The following RIMS1 variants were observed in gnomAD, a reference collection of about 807,000 sequenced individuals.
RIMS1 encodes regulating synaptic membrane exocytosis 1.
In RIMS1, 83 loss-of-function variants were observed where a neutral mutation model predicts 214.1. The ratio of observed to expected loss-of-function variants is 0.39; its 90% confidence interval spans 0.32 to 0.47. The LOEUF (loss-of-function observed/expected upper bound fraction) is 0.47, where lower values mean the gene tolerates loss of function less well. Among genes scored for constraint, RIMS1 ranks in the 20% least tolerant of loss-of-function variants. RIMS1 has a pLI of 0.99. For synonymous variants in RIMS1, 793 were observed against 786.8 expected (o/e 1.01, Z -0.13); for missense variants, 2,050 against 2,161.8 (o/e 0.95, Z 1.03).
At chr6:72,251,466 G>A (rs2073281909) in intron 15 of RIMS1, 98 bp downstream of exon 15, 1 of 1,012,308 alleles carries the variant, frequency 9.9e-7, no homozygotes, top group Non-Finnish European at 1.4e-6. Context: ...TGTTTTATTA[G>A]AGATCAAAAT....
intron 24 of RIMS1, among the ~76,000 whole-genome samples, chr6:72,288,091 T>A (rs541681753): frequency 6.6e-6 from 1 of 152,182 alleles, no homozygotes; most frequent in African/African-American, 2.4e-5. Context: ...TTTCTCATGA[T>A]ACACAAACAA....
At chr6:72,245,945 T>C in intron 11 of RIMS1, 84 bp downstream of exon 11, 4 of 981,300 alleles carry the variant, frequency 4.1e-6, no homozygotes, top group Non-Finnish European at 6.3e-6. Flanking sequence ...TTATTTGATA[T>C]AATGAATTGG....
intron 24 of RIMS1, among the ~76,000 whole-genome samples, chr6:72,284,847 C>T (rs1051322219): frequency 5.9e-5 from 9 of 152,040 alleles, no homozygotes; most frequent in Admixed American, 5.2e-4. Flanking sequence ...GAGGCATGCA[C>T]AGGTACAGTA....
At chr6:72,367,150 T>C (rs928086860) in intron 29 of RIMS1, among the ~76,000 whole-genome samples, 1 of 152,226 alleles carries the variant, frequency 6.6e-6, no homozygotes, top group African/African-American at 2.4e-5. Flanking sequence ...ACTTTAAAGC[T>C]AGACTTACAG....
At chr6:72,018,898 A>G (rs965835301) in intron 2 of RIMS1, among the ~76,000 whole-genome samples, 1 of 152,214 alleles carries the variant, frequency 6.6e-6, no homozygotes, top group African/African-American at 2.4e-5. Flanking sequence ...AGTGCTCAAC[A>G]TTTTAATAGA....
intron 19 of RIMS1, chr6:72,263,161 C>G (rs1356606588): frequency 1.0e-6 from 1 of 984,158 alleles, no homozygotes; most frequent in East Asian, 1.1e-4. Flanking sequence ...AACTTTGCAA[C>G]TGAAAGTGTC....
intron 2 of RIMS1, among the ~76,000 whole-genome samples, chr6:72,095,441 A>G (rs924456795): frequency 6.6e-6 from 1 of 152,192 alleles, no homozygotes; most frequent in African/African-American, 2.4e-5. Flanking sequence ...TTGACCAGAT[A>G]TTCTTGCATT....
At chr6:71,988,208 G>T (rs1800591948) in intron 2 of RIMS1, among the ~76,000 whole-genome samples, 2 of 152,036 alleles carry the variant, frequency 1.3e-5, no homozygotes, top group African/African-American at 2.4e-5. Context: ...ATTCATGCTA[G>T]CCTGCTTTCA....
At chr6:71,893,707 A>G (rs944505393) in intron 1 of RIMS1, among the ~76,000 whole-genome samples, 1 of 152,214 alleles carries the variant, frequency 6.6e-6, no homozygotes, top group Non-Finnish European at 1.5e-5. Context: ...TCGAGTTTAT[A>G]TACACTTATT....
chr6:72,079,035 T>A (rs940906320), intron 2 of RIMS1, among the ~76,000 whole-genome samples: 1 of 152,138 alleles, frequency 6.6e-6, no homozygotes, highest in African/African-American at 2.4e-5. Flanking sequence ...AAAAAGATGA[T>A]TTAAAAAGCC....
chr6:72,008,292 C>A (rs1308272731), intron 2 of RIMS1, among the ~76,000 whole-genome samples: 2 of 152,136 alleles, frequency 1.3e-5, no homozygotes, highest in Non-Finnish European at 2.9e-5. Flanking sequence ...TTGTCACCAC[C>A]AGGCCTGCCT....
chr6:72,214,054 A>G (rs1053816752), intron 6 of RIMS1, among the ~76,000 whole-genome samples: 4 of 152,178 alleles, frequency 2.6e-5, no homozygotes, highest in Non-Finnish European at 5.9e-5. Context: ...TTACCTAGAC[A>G]GTGGCTCCAG....
rs1016418825 is a variant in RIMS1 at position 72,097,241 on chromosome 6, A to G, written c.459+79A>G. ...GCCTTCCAAACATGAGAACACGTGC[A>G]TCTTAGAAAGCAGACATGTGCATAA... On this transcript the variant is annotated intron_variant, in intron 3 of 33. Coordinates refer to ENST00000521978, the MANE Select transcript of RIMS1 (RefSeq NM_014989.7). 2.4e-6 allele frequency: 3 copies of G among 1,249,122 alleles called. No homozygotes were observed. In the African/African-American group the frequency reaches 4.4e-5, roughly 18 times the overall value. The allele number at this position is 1,249,122 out of a possible 1,614,324, so 77.4% of individuals were successfully genotyped here.
At chr6:71,950,920 A>G (rs1048912760) in intron 1 of RIMS1, among the ~76,000 whole-genome samples, 3 of 152,162 alleles carry the variant, frequency 2.0e-5, no homozygotes, top group East Asian at 3.9e-4. Context: ...TTATTTACGT[A>G]TTTTATTGGG....
chr6:72,369,823 G>T (rs764294189), intron 29 of RIMS1, among the ~76,000 whole-genome samples: 1 of 152,196 alleles, frequency 6.6e-6, no homozygotes, highest in African/African-American at 2.4e-5. Context: ...ATTGCTAGGC[G>T]AAAGCAGCCA....
chr6:72,078,178 G>A (rs371906035), intron 2 of RIMS1, among the ~76,000 whole-genome samples: 1 of 152,176 alleles, frequency 6.6e-6, no homozygotes, highest in African/African-American at 2.4e-5. Flanking sequence ...GGATTATGTG[G>A]TTATAGTAGG....
intron 28 of RIMS1, among the ~76,000 whole-genome samples, chr6:72,317,728 T>G (rs2095880431): frequency 6.6e-6 from 1 of 152,190 alleles, no homozygotes; most frequent in African/African-American, 2.4e-5. Context: ...AATCTTGAGT[T>G]AGAGTTATCT....
chr6:72,251,518 T>G, intron 15 of RIMS1, 150 bp downstream of exon 15: 1 of 660,508 alleles, frequency 1.5e-6, no homozygotes, highest in East Asian at 2.8e-5. Context: ...TTGGCAAAAC[T>G]GTTTCTACAT....
At position 72,261,540 on chromosome 6, in the gene RIMS1, A is replaced by G. The variant is rs1004298588; in HGVS notation, c.3116+773A>G. ...ATGGAACATATTCTATAAATACTTA[A>G]TGTATATTTGAAATGAATATAGAAG... On this transcript the variant is annotated intron_variant, in intron 19 of 33. Coordinates refer to ENST00000521978, the MANE Select transcript of RIMS1 (RefSeq NM_014989.7). 8 of 920,272 alleles carry G rather than the reference A, an allele frequency of 8.7e-6. No homozygotes were observed. The African/African-American group carries it at 1.3e-4, about 14-fold the overall frequency. The allele number at this position is 920,272 out of a possible 1,614,324, so 57.0% of individuals were successfully genotyped here. A position where few individuals can be genotyped will look rare whatever the true frequency, so the allele number is the denominator to read the frequency against.
Sources: allele counts gnomAD v4.1 joint callset (sites outside exome capture counted in the v4.1 genomes callset), GRCh38; gene constraint gnomAD v4.1.1; transcripts MANE v1.5; gene names NCBI Gene and HGNC (gene_info 2026-07-23, HGNC 2026-07-21).